The following MYRIP variants were observed in gnomAD, a reference collection of about 807,000 sequenced individuals.
MYRIP encodes the protein rab effector MyRIP.
In MYRIP, 49 loss-of-function variants were observed where a neutral mutation model predicts 98.0. The observed-to-expected ratio is 0.50, with a 90% CI of 0.40 to 0.63. The LOEUF is 0.63. MYRIP is among the 30% of genes least tolerant of loss of function. The probability of loss-of-function intolerance (pLI) is 0.00; values close to 1 mark genes in which losing one functional copy is unlikely to be tolerated. For synonymous variants in MYRIP, 404 were observed against 409.5 expected (o/e 0.99, Z 0.16); for missense variants, 1,004 against 1,058.2 (o/e 0.95, Z 0.71).
intron 11 of MYRIP, among the ~76,000 whole-genome samples, chr3:40,220,061 T>C (rs1186685904): frequency 6.6e-6 from 1 of 151,492 alleles, no homozygotes; most frequent in Admixed American, 6.6e-5. Flanking sequence ...ATTGTGGTTT[T>C]GATTTGCATT....
rs1207971011 is a variant in MYRIP at position 40,182,496 on chromosome 3, C to G, written c.1027+123C>G. 2.6e-6 allele frequency: 3 copies of G among 1,136,248 alleles called. No individual in the cohort carries two copies. In the East Asian group the frequency reaches 7.8e-5, roughly 30 times the overall value. The allele number at this position is 1,136,248 out of a possible 1,614,324, so 70.4% of individuals were successfully genotyped here. A position where few individuals can be genotyped will look rare whatever the true frequency, so the allele number is the denominator to read the frequency against. On this transcript the variant is annotated intron_variant, in intron 9 of 16. Transcript: ENST00000302541. ...TAAGTCTGAACTGGTGTGTGTCCCT[C>G]TGGGCTACCAAGTCATGAGGCCTCC...
At chr3:40,185,227 C>T (rs577067456) in intron 9 of MYRIP, among the ~76,000 whole-genome samples, 1 of 152,172 alleles carries the variant, frequency 6.6e-6, no homozygotes, top group Non-Finnish European at 1.5e-5. Context: ...AGGGGCACTG[C>T]GGTTTGGGTA....
intron 2 of MYRIP, among the ~76,000 whole-genome samples, chr3:39,998,771 C>T (rs1383216347): frequency 1.3e-5 from 2 of 152,174 alleles, no homozygotes; most frequent in Non-Finnish European, 1.5e-5. Context: ...TACCTGACTT[C>T]AAACTATACT....
At chr3:39,820,751 C>A (rs905528095) in intron 1 of MYRIP, among the ~76,000 whole-genome samples, 4 of 152,184 alleles carry the variant, frequency 2.6e-5, no homozygotes, top group Non-Finnish European at 4.4e-5. Flanking sequence ...ACCCACCAAT[C>A]AATTTTTCAG....
chr3:40,006,054 G>T (rs1016057708), intron 2 of MYRIP, among the ~76,000 whole-genome samples: 2 of 152,094 alleles, frequency 1.3e-5, no homozygotes, highest in Non-Finnish European at 2.9e-5. Flanking sequence ...CATGAGGGAA[G>T]GTCTCAAAGA....
chr3:39,939,481 C>A (rs1037146572), intron 2 of MYRIP, among the ~76,000 whole-genome samples: 2 of 152,048 alleles, frequency 1.3e-5, no homozygotes, highest in African/African-American at 4.8e-5. Flanking sequence ...TAGTGAAACA[C>A]ACACGTGCTT....
chr3:39,948,772 T>C (rs987368076), intron 2 of MYRIP, among the ~76,000 whole-genome samples: 3 of 152,090 alleles, frequency 2.0e-5, no homozygotes, highest in East Asian at 1.9e-4. Flanking sequence ...CAACAGTTGA[T>C]GAAAGGCTCT....
At chr3:40,155,467 T>C (rs1372907117) in intron 4 of MYRIP, among the ~76,000 whole-genome samples, 1 of 152,200 alleles carries the variant, frequency 6.6e-6, no homozygotes, top group Non-Finnish European at 1.5e-5. Flanking sequence ...TGCATGTGTC[T>C]TTATAGCAAC....
At chr3:40,072,887 C>T (rs1394825379) in intron 3 of MYRIP, among the ~76,000 whole-genome samples, 1 of 152,102 alleles carries the variant, frequency 6.6e-6, no homozygotes, top group Non-Finnish European at 1.5e-5. Context: ...AATAGAGATA[C>T]AGATATCCAT....
At chr3:40,066,966 CT>C (rs775521858) in intron 3 of MYRIP, among the ~76,000 whole-genome samples, 2 of 152,018 alleles carry the variant, frequency 1.3e-5, no homozygotes, top group East Asian at 3.8e-4. Context: ...CTTTTATGTC[CT>C]TTTTGCTTTT....
chr3:39,862,435 G>T (rs1229379542), intron 1 of MYRIP, among the ~76,000 whole-genome samples: 1 of 152,034 alleles, frequency 6.6e-6, no homozygotes, highest in Non-Finnish European at 1.5e-5. Flanking sequence ...AAACAAGTGT[G>T]CATACTAACC....
At chr3:39,874,259 C>T (rs1942905426) in intron 1 of MYRIP, among the ~76,000 whole-genome samples, 1 of 152,084 alleles carries the variant, frequency 6.6e-6, no homozygotes, top group Admixed American at 6.5e-5. Context: ...ATGGGGTTTT[C>T]TAGATATACA....
At chr3:40,237,218 G>A (rs2125704222) in intron 12 of MYRIP, among the ~76,000 whole-genome samples, 2 of 152,178 alleles carry the variant, frequency 1.3e-5, no homozygotes, top group Middle Eastern at 6.8e-3. Context: ...CTTCCTTTGG[G>A]CTCCCATAAA....
intron 3 of MYRIP, among the ~76,000 whole-genome samples, chr3:40,072,470 G>A (rs1338245961): frequency 6.6e-6 from 1 of 152,144 alleles, no homozygotes; most frequent in Non-Finnish European, 1.5e-5. Context: ...GCCTCCTAAA[G>A]TGCTATGATT....
intron 2 of MYRIP, among the ~76,000 whole-genome samples, chr3:39,933,587 A>T (rs1585284): frequency 0.37 from 56,404 of 152,076 alleles, 10,774 homozygotes; most frequent in East Asian, 0.45. Flanking sequence ...AAAACTGTTA[A>T]GTAAAATTCC....
chr3:40,026,057 C>T lies in MYRIP; in HGVS notation c.111-17993C>T, dbSNP rs115340239. 5.6e-3 allele frequency among the ~76,000 whole-genome samples: 850 copies of T among 152,156 alleles called. 2 individuals are homozygous for T. The highest frequency in any genetic ancestry group is 9.6e-3 in the Non-Finnish European group (650 of 67,996). ...TTTTTCCCCACCCTAGTAAACCTGA[C>T]GGTAATGCAGGAGACCAGAGCGTAT... On this transcript the variant is annotated intron_variant, in intron 2 of 16. Transcript: ENST00000302541.
chr3:40,142,362 T>C (rs1183289617), intron 3 of MYRIP, among the ~76,000 whole-genome samples: 1 of 152,080 alleles, frequency 6.6e-6, no homozygotes, highest in Non-Finnish European at 1.5e-5. Flanking sequence ...CTGCTGTTGA[T>C]TTTTCAAAAG....
chr3:40,151,335 G>A lies in MYRIP; in HGVS notation c.469+151G>A, dbSNP rs529348056. The A allele has an allele frequency of 5.3e-5, 44 of 832,952 alleles. No individual in the cohort carries two copies. The South Asian group carries it at 7.6e-4, about 14-fold the overall frequency. 51.6% of individuals were successfully genotyped at this position (832,952 alleles called of 1,614,324 possible). A position where few individuals can be genotyped will look rare whatever the true frequency, so the allele number is the denominator to read the frequency against. ...CAGTGAGAAGCAGAAATAGAAGGACGGATGCCAGAGATTCTGCTAAGTTGT... is the reference window on the plus strand; with the variant it reads ...CAGTGAGAAGCAGAAATAGAAGGACAGATGCCAGAGATTCTGCTAAGTTGT... On this transcript the variant is annotated intron_variant, in intron 4 of 16. Transcript: ENST00000302541.
chr3:39,858,920 G>A lies in MYRIP; in HGVS notation c.-30-41867G>A, dbSNP rs142801391. On this transcript the variant is annotated intron_variant, in intron 1 of 16. Coordinates refer to ENST00000302541, the MANE Select transcript of MYRIP (RefSeq NM_015460.4). ...GAGAGGGAAGTTGTTAGCAATAAAT[G>A]TCTACCTTAAGAAAAAGAAAGATTT... is the stretch of plus-strand genomic sequence containing the variant. Among the ~76,000 whole-genome samples the A allele has an allele frequency of 4.7e-4, 72 of 152,108 alleles. 1 individual carries two copies. The highest frequency in any genetic ancestry group is 1.9e-3 in the Admixed American group (29 of 15,296).
Sources: gnomAD v4.1 joint callset for allele counts (sites outside exome capture counted in the v4.1 genomes callset) on GRCh38, gnomAD v4.1.1 for gene constraint, MANE v1.5 for transcripts, NCBI Gene and HGNC (gene_info 2026-07-23, HGNC 2026-07-21) for gene names.